The following UTP20 variants were observed in gnomAD, a reference collection of about 807,000 sequenced individuals.
The protein encoded by UTP20 is UTP20 small subunit processome component, also known as small subunit processome component 20 homolog.
UTP20 carries 164 observed loss-of-function variants against 329.5 expected under a neutral mutation model. The observed-to-expected ratio is 0.50, with a 90% CI of 0.44 to 0.57. UTP20 has a LOEUF of 0.57. UTP20 is among the 20% of genes least tolerant of loss of function. The pLI is 0.00. For synonymous variants in UTP20, 1,151 were observed against 1,159.3 expected, an observed-to-expected ratio of 0.99 and a Z score of 0.14; for missense variants, 3,055 against 3,284.2, an observed-to-expected ratio of 0.93 and a Z score of 1.71.
intron 38 of UTP20, among the ~76,000 whole-genome samples, chr12:101,350,567 C>G (rs74854618): frequency 2.6e-5 from 4 of 152,072 alleles, no homozygotes; most frequent in African/African-American, 4.8e-5. Flanking sequence ...AGTTAGGTTA[C>G]TTATGAATAG....
chr12:101,374,658 A>G, intron 54 of UTP20, 150 bp from the exon 55 acceptor site: 1 of 560,202 alleles, frequency 1.8e-6, no homozygotes. Flanking sequence ...TTGGCCATCA[A>G]AGCTCCATAA....
intron 10 of UTP20, among the ~76,000 whole-genome samples, chr12:101,292,929 T>C (rs1487804704): frequency 6.6e-6 from 1 of 152,246 alleles, no homozygotes; most frequent in African/African-American, 2.4e-5. Context: ...TATACAATCA[T>C]GCTGTTTGCC....
At chr12:101,369,581 C>T in intron 48 of UTP20, 140 bp from the exon 49 acceptor site, 1 of 548,826 alleles carries the variant, frequency 1.8e-6, no homozygotes, top group Non-Finnish European at 3.3e-6. Flanking sequence ...ACATTTTGGG[C>T]ACAGTTCTTC....
chr12:101,338,945 G>A lies in UTP20; in HGVS notation c.4001G>A (p.Gly1334Asp), dbSNP rs1869029773. The change falls in exon 31 of 62, where the codon GGC becomes GAC. Residue 1334 changes from glycine (G) to aspartate (D), a missense_variant. By Grantham distance (94) the Gly-to-Asp change is moderately conservative. Around this residue, in one of 3 missense-constraint regions of UTP20, gnomAD observed 2,445 missense variants for 2,575.5 expected, o/e 0.95. Transcript: ENST00000261637. ...KNRAQVSKEL[G>D]ILSKISKFMK... ...AGAGCACAAGTCAGTAAAGAGCTTGGCATTCTTTCAAAGTAAGTGATATGT... is the reference window on the plus strand; with the variant it reads ...AGAGCACAAGTCAGTAAAGAGCTTGACATTCTTTCAAAGTAAGTGATATGT... 6.3e-7 allele frequency: 1 copy of A among 1,592,738 alleles called. No individual in the cohort carries two copies. The highest frequency in any genetic ancestry group is 8.5e-7 in the Non-Finnish European group (1 of 1,174,736).
At chr12:101,360,625 G>A (rs1233890871) in intron 43 of UTP20, among the ~76,000 whole-genome samples, 5 of 152,122 alleles carry the variant, frequency 3.3e-5, no homozygotes, top group Non-Finnish European at 7.4e-5. Flanking sequence ...AGGAGTTCAA[G>A]ACCAGCCTGG....
chr12:101,301,556 T>C (rs1243962154), intron 14 of UTP20, among the ~76,000 whole-genome samples: 1 of 151,704 alleles, frequency 6.6e-6, no homozygotes, highest in Non-Finnish European at 1.5e-5. Flanking sequence ...TAATCCCAGC[T>C]ACTGGGGAGG....
At chr12:101,330,471 C>T (rs1016027549) in intron 27 of UTP20, among the ~76,000 whole-genome samples, 4 of 151,994 alleles carry the variant, frequency 2.6e-5, no homozygotes, top group African/African-American at 9.7e-5. Context: ...CTGAGAAGCT[C>T]GAAGCAGGTG....
intron 21 of UTP20, among the ~76,000 whole-genome samples, chr12:101,312,668 G>A (rs1003823961): frequency 1.3e-4 from 20 of 152,320 alleles, no homozygotes; most frequent in African/African-American, 4.6e-4. Context: ...TTGAACTCCT[G>A]ACCTCAGGTG....
At chr12:101,337,903 T>C in intron 29 of UTP20, 148 bp from the exon 30 acceptor site, 1 of 731,140 alleles carries the variant, frequency 1.4e-6, no homozygotes, top group Non-Finnish European at 2.2e-6. Flanking sequence ...TTATTATCCA[T>C]CAAATTTTAG....
chr12:101,309,674 T>C, intron 18 of UTP20, 89 bp from the exon 19 acceptor site: 1 of 1,311,908 alleles, frequency 7.6e-7, no homozygotes, highest in Non-Finnish European at 1.1e-6. Flanking sequence ...AAACCTCAGG[T>C]TGTCCAACTT....
intron 11 of UTP20, 79 bp from the exon 12 acceptor site, chr12:101,295,401 G>T: frequency 7.8e-7 from 1 of 1,288,126 alleles, no homozygotes; most frequent in Non-Finnish European, 1.0e-6. Context: ...CTTTGTTTTT[G>T]GTCTAGTTTT....
rs749908188 is a variant in UTP20, at chr12:101,306,031, A to G, written c.1898A>G (p.Lys633Arg). ...GAGGCTTTAATGGAATTATTTCCCA[A>G]GTTACAAGCAAACATTTCAACTGGT... Reference protein sequence around the residue: ...SQEALMELFPKLQANISTGVS... With the variant: ...SQEALMELFPRLQANISTGVS... Residue 633 changes from lysine to arginine, a missense_variant, in exon 16 of 62, where the codon AAG (lysine) becomes AGG (arginine). This residue lies in a region of UTP20 where 2,445 missense variants were observed against 2,575.5 expected (regional missense o/e 0.95). Coordinates refer to ENST00000261637, the MANE Select transcript of UTP20 (RefSeq NM_014503.3). 2 of 1,613,400 alleles carry G rather than the reference A, an allele frequency of 1.2e-6. No homozygotes were observed. Among genetic ancestry groups the G allele is most frequent in the South Asian group, 2.2e-5 (2 of 90,948 alleles).
At chr12:101,290,624 T>C in intron 7 of UTP20, 109 bp from the exon 8 acceptor site, 2 of 1,283,910 alleles carry the variant, frequency 1.6e-6, no homozygotes, top group African/African-American at 3.0e-5. Flanking sequence ...TCCTTGACTA[T>C]TCCAGACCTG....
At chr12:101,371,229 A>G in intron 51 of UTP20, 61 bp downstream of exon 51, 2 of 1,229,324 alleles carry the variant, frequency 1.6e-6, no homozygotes, top group Non-Finnish European at 2.3e-6. Context: ...TTTGTGGCAG[A>G]GGTGTCAACA....
intron 27 of UTP20, among the ~76,000 whole-genome samples, chr12:101,330,591 T>A (rs1868729280): frequency 6.6e-6 from 1 of 152,232 alleles, no homozygotes; most frequent in Non-Finnish European, 1.5e-5. Context: ...GAAAGTTCTT[T>A]CTCTGTTATA....
intron 33 of UTP20, 57 bp from the exon 34 acceptor site, chr12:101,342,729 AG>A (rs1486427041): frequency 6.4e-7 from 1 of 1,564,080 alleles, no homozygotes; most frequent in Admixed American, 1.8e-5. Context: ...TGAGGGGAGG[AG>A]GGCAGAAAAG....
chr12:101,308,736 T>G (rs1169613498), intron 18 of UTP20, among the ~76,000 whole-genome samples: 1 of 31,254 alleles, frequency 3.2e-5, no homozygotes, highest in African/African-American at 6.4e-4. Flanking sequence ...CTCTCTATGT[T>G]TTTTTTTTTT....
rs1161712640 is a variant in UTP20 at position 101,312,140 on chromosome 12, G to A, written c.2416G>A (p.Ala806Thr). ...DVGALYHEQLALKTDCQERLD... is the reference protein window; with the variant it reads ...DVGALYHEQLTLKTDCQERLD... The stretch of plus-strand genomic sequence containing the variant: ...TGGAGCTCTTTATCATGAGCAGTTA[G>A]CATTGAAAACTGACTGTCAGGAAAG... Residue 806 changes from alanine (A) to threonine (T), a missense_variant, in exon 21 of 62, where the codon GCA (alanine) becomes ACA (threonine). Ala to Thr is a moderately conservative substitution (Grantham distance 58). Around this residue, in one of 3 missense-constraint regions of UTP20, gnomAD observed 2,445 missense variants for 2,575.5 expected, o/e 0.95. Coordinates refer to ENST00000261637, the MANE Select transcript of UTP20 (RefSeq NM_014503.3). 6.2e-7 allele frequency: 1 copy of A among 1,614,090 alleles called. No individual in the cohort carries two copies. The highest frequency in any genetic ancestry group is 1.7e-5 in the Admixed American group (1 of 60,004).
At chr12:101,332,651 T>C (rs1868797814) in intron 27 of UTP20, among the ~76,000 whole-genome samples, 1 of 152,228 alleles carries the variant, frequency 6.6e-6, no homozygotes, top group African/African-American at 2.4e-5. Context: ...AAATCGTATT[T>C]CCTCCTAAAT....
Sources: allele counts gnomAD v4.1 joint callset (sites outside exome capture counted in the v4.1 genomes callset), GRCh38; gene constraint gnomAD v4.1.1; regional missense constraint gnomAD v4.1.1; transcripts MANE v1.5; gene names NCBI Gene and HGNC (gene_info 2026-07-23, HGNC 2026-07-21).